ABI3BP: variants seen among roughly 807,000 people sequenced by gnomAD.
ABI3BP encodes target of Nesh-SH3.
A neutral mutation model predicts 268.6 loss-of-function variants in ABI3BP; 216 were observed. That is an observed-to-expected ratio of 0.80 (90% CI 0.72 to 0.90). ABI3BP has a LOEUF of 0.90. Among genes scored for constraint, ABI3BP ranks in the 40% least tolerant of loss-of-function variants. The pLI, the probability that ABI3BP is intolerant of heterozygous loss-of-function variation, is 0.00. For missense variants in ABI3BP, 2,090 were observed against 2,182.4 expected (o/e 0.96, Z 0.84); for synonymous variants, 730 against 730.0 (o/e 1.00, Z 0.00).
chr3:100,820,280 G>A lies in ABI3BP; in HGVS notation c.2971C>T (p.Arg991Cys), dbSNP rs1246679224. 3.3e-6 allele frequency: 5 copies of A among 1,535,932 alleles called. No individual in the cohort carries two copies. Among genetic ancestry groups the A allele is most frequent in the South Asian group, 1.2e-5 (1 of 84,018 alleles). The stretch of plus-strand genomic sequence containing the variant: ...GTTTTAGTTTTGGGACGTGGACGAC[G>A]AGTTCGTTGTGATGTTTTAGGAGCT... ...TQAPKTSQRT[R>C]RPRPKTKTTP... The change falls in exon 40 of 68, where the codon CGT becomes TGT. Residue 991 changes from arginine (R) to cysteine (C), a missense_variant. Physicochemically the swap from Arg to Cys is radical, Grantham distance 180. Transcript: ENST00000471714.
chr3:100,879,766 A>G (rs1008358370), intron 6 of ABI3BP, among the ~76,000 whole-genome samples: 10 of 152,210 alleles, frequency 6.6e-5, no homozygotes, highest in African/African-American at 2.2e-4. Flanking sequence ...AGGCCTAGAA[A>G]TGCTCTCCTG....
At chr3:100,757,122 CAA>C (rs1019482394) in intron 63 of ABI3BP, among the ~76,000 whole-genome samples, 1 of 151,224 alleles carries the variant, frequency 6.6e-6, no homozygotes, top group African/African-American at 2.4e-5. Flanking sequence ...AACAAAAAGT[CAA>C]AGAGATGAAA....
intron 26 of ABI3BP, 150 bp from the exon 27 acceptor site, chr3:100,837,321 G>T: frequency 1.9e-6 from 1 of 523,230 alleles, no homozygotes; most frequent in Non-Finnish European, 3.2e-6. Flanking sequence ...TTTATTATGT[G>T]AGATGCTTCT....
At chr3:100,770,983 AT>A in intron 61 of ABI3BP, 31 bp from the exon 62 acceptor site, 1 of 1,461,676 alleles carries the variant, frequency 6.8e-7, no homozygotes, top group Non-Finnish European at 9.1e-7. Context: ...GACATTTAAC[AT>A]TTTTGAAACT....
intron 1 of ABI3BP, among the ~76,000 whole-genome samples, chr3:100,958,824 A>C (rs2077754270): frequency 6.6e-6 from 1 of 152,232 alleles, no homozygotes; most frequent in Non-Finnish European, 1.5e-5. Flanking sequence ...ATTCGAATAC[A>C]GAATCCCTGA....
intron 9 of ABI3BP, among the ~76,000 whole-genome samples, chr3:100,867,433 A>G (rs2099063061): frequency 6.6e-6 from 1 of 151,918 alleles, no homozygotes. Context: ...CGAGGTCAGG[A>G]GATTGAGACC....
chr3:100,853,708 C>T (rs2098896530), intron 14 of ABI3BP, among the ~76,000 whole-genome samples: 1 of 152,154 alleles, frequency 6.6e-6, no homozygotes, highest in Non-Finnish European at 1.5e-5. Context: ...TCAGGAGGCT[C>T]CAAGCCAGGC....
chr3:100,867,755 T>G (rs1275473683), intron 9 of ABI3BP, among the ~76,000 whole-genome samples: 1 of 151,782 alleles, frequency 6.6e-6, no homozygotes, highest in Non-Finnish European at 1.5e-5. Flanking sequence ...GAAACTAAGC[T>G]ATTTGAAAAT....
Position 100,753,730 on chromosome 3 carries a change from C to T in ABI3BP, c.4960+89G>A, listed in dbSNP as rs533845536. 2.1e-4 allele frequency: 313 copies of T among 1,475,788 alleles called. 4 individuals carry two copies. The highest frequency in any genetic ancestry group is 1.6e-3 in the South Asian group (136 of 82,932). 91.4% of individuals were successfully genotyped at this position (1,475,788 alleles called of 1,614,324 possible). On this transcript the variant is annotated intron_variant, in intron 65 of 67. Transcript: ENST00000471714. The stretch of plus-strand genomic sequence containing the variant: ...TATAAGAAGACTAAGTGGAAAAACG[C>T]GAAATCATGATTCAGATTCTGCCAT...
intron 1 of ABI3BP, among the ~76,000 whole-genome samples, chr3:100,973,990 A>AT (rs760318130): frequency 4.6e-5 from 7 of 152,144 alleles, no homozygotes; most frequent in South Asian, 2.1e-4. Context: ...TGGATCATAC[A>AT]TTTTTTTAAA....
intron 57 of ABI3BP, 77 bp from the exon 58 acceptor site, chr3:100,780,286 T>G: frequency 7.4e-7 from 1 of 1,359,424 alleles, no homozygotes; most frequent in Non-Finnish European, 1.0e-6. Context: ...TTGCCAGTAA[T>G]AACGTACATT....
chr3:100,946,578 C>G (rs540108013), intron 1 of ABI3BP, among the ~76,000 whole-genome samples: 1 of 151,866 alleles, frequency 6.6e-6, no homozygotes, highest in African/African-American at 2.4e-5. Flanking sequence ...CACCAGAGAT[C>G]GGGAGTTTGA....
chr3:100,821,698 G>A (rs1207711522), intron 38 of ABI3BP, among the ~76,000 whole-genome samples: 1 of 151,144 alleles, frequency 6.6e-6, no homozygotes, highest in Admixed American at 6.6e-5. Flanking sequence ...CACCTCCTGG[G>A]GTTCAAGCAA....
At chr3:100,829,451 T>G in intron 33 of ABI3BP, 130 bp downstream of exon 33, 1 of 711,504 alleles carries the variant, frequency 1.4e-6, no homozygotes, top group African/African-American at 1.8e-5. Flanking sequence ...CCACGTCATC[T>G]CCCCAGCCCT....
intron 63 of ABI3BP, among the ~76,000 whole-genome samples, chr3:100,761,612 A>G (rs2149537983): frequency 6.6e-6 from 1 of 152,258 alleles, no homozygotes; most frequent in East Asian, 1.9e-4. Flanking sequence ...CATGAAAACA[A>G]GCAGGAGAAG....
chr3:100,749,681 C>G lies in ABI3BP; in HGVS notation c.*814G>C. ...CGTGCATTATCTTTTTGTGCTCAGA[C>G]TTGACTTCACATTCAGTCTCTACAT... On this transcript the variant is annotated 3_prime_UTR_variant, in exon 68 of 68. Transcript: ENST00000471714. The G allele has an allele frequency of 2.5e-6, 1 of 398,486 alleles. No individual in the cohort carries two copies. Among genetic ancestry groups the G allele is most frequent in the Non-Finnish European group, 4.4e-6 (1 of 225,796 alleles). The allele number at this position is 398,486 out of a possible 1,614,324, so 24.7% of individuals were successfully genotyped here.
chr3:100,794,217 T>A (rs763153332), intron 54 of ABI3BP, among the ~76,000 whole-genome samples: 6 of 152,008 alleles, frequency 3.9e-5, no homozygotes, highest in Non-Finnish European at 5.9e-5. Flanking sequence ...GTAATTAGTA[T>A]AACATTGATG....
At chr3:100,778,815 T>C (rs1490948072) in intron 58 of ABI3BP, among the ~76,000 whole-genome samples, 1 of 152,236 alleles carries the variant, frequency 6.6e-6, no homozygotes, top group Non-Finnish European at 1.5e-5. Context: ...GCATGGGTTA[T>C]ATGCAAACAC....
intron 1 of ABI3BP, among the ~76,000 whole-genome samples, chr3:100,944,792 T>G (rs1203172086): frequency 6.6e-6 from 1 of 152,158 alleles, no homozygotes; most frequent in African/African-American, 2.4e-5. Context: ...GCATCAAAAG[T>G]CTTCTAAAGA....
Sources: allele counts gnomAD v4.1 joint callset (sites outside exome capture counted in the v4.1 genomes callset), GRCh38; gene constraint gnomAD v4.1.1; transcripts MANE v1.5; gene names NCBI Gene and HGNC (gene_info 2026-07-23, HGNC 2026-07-21).